BMPR1B: variants seen among roughly 807,000 people sequenced by gnomAD.
The protein encoded by BMPR1B is bone morphogenetic protein receptor type 1B.
Under a neutral mutation model 59.1 loss-of-function variants are expected in BMPR1B, and 12 were observed. That is an observed-to-expected ratio of 0.20 (90% CI 0.13 to 0.33). The LOEUF (loss-of-function observed/expected upper bound fraction) is 0.33, where lower values mean the gene tolerates loss of function less well. Ranked by LOEUF, BMPR1B falls within the 10% of genes least tolerant of loss-of-function variation. BMPR1B has a pLI of 1.00. For missense variants in BMPR1B, 550 were observed against 610.9 expected, an observed-to-expected ratio of 0.90 and a Z score of 1.05; for synonymous variants, 237 against 207.3, an observed-to-expected ratio of 1.14 and a Z score of -1.23.
At chr4:94,943,701 G>A (rs765846271) in intron 2 of BMPR1B, among the ~76,000 whole-genome samples, 13 of 152,118 alleles carry the variant, frequency 8.5e-5, no homozygotes, top group African/African-American at 2.2e-4. Context: ...CATGCTCTTC[G>A]TGTTAAAGAA....
At position 95,124,966 on chromosome 4, in the gene BMPR1B, C is replaced by T. The variant is rs747297973; in HGVS notation, c.447-17C>T. 1 of 1,605,798 alleles carries T rather than the reference C, an allele frequency of 6.2e-7. No individual in the cohort carries two copies. The highest frequency in any genetic ancestry group is 2.2e-5 in the East Asian group (1 of 44,808). On this transcript the variant is annotated splice_polypyrimidine_tract_variant and intron_variant, in intron 7 of 12. Coordinates refer to ENST00000515059, the MANE Select transcript of BMPR1B (RefSeq NM_001203.3). ...GCATTTCATTATCTAAAATTATCTT[C>T]ATCTATCCATCTTTAGGTATAAAAG...
chr4:95,051,185 C>T (rs1463857466), intron 3 of BMPR1B, among the ~76,000 whole-genome samples: 1 of 152,196 alleles, frequency 6.6e-6, no homozygotes, highest in Non-Finnish European at 1.5e-5. Flanking sequence ...ATACTTTGAT[C>T]TGTTGCACTA....
chr4:95,140,028 A>G (rs903313631), intron 10 of BMPR1B, among the ~76,000 whole-genome samples: 3 of 152,150 alleles, frequency 2.0e-5, no homozygotes, highest in African/African-American at 7.2e-5. Flanking sequence ...GGTGGGAGCT[A>G]TAGACTGGAG....
At chr4:94,946,520 G>A (rs1729714780) in intron 2 of BMPR1B, among the ~76,000 whole-genome samples, 1 of 152,094 alleles carries the variant, frequency 6.6e-6, no homozygotes, top group African/African-American at 2.4e-5. Flanking sequence ...GAAGGCACAG[G>A]ATCAGATTTG....
chr4:94,973,472 C>T (rs1336224013), intron 2 of BMPR1B, among the ~76,000 whole-genome samples: 1 of 152,202 alleles, frequency 6.6e-6, no homozygotes, highest in Non-Finnish European at 1.5e-5. Context: ...TGACCATCTC[C>T]TGCCAGATTT....
intron 2 of BMPR1B, among the ~76,000 whole-genome samples, chr4:94,890,770 T>C (rs1198016477): frequency 6.6e-6 from 1 of 152,018 alleles, no homozygotes; most frequent in Non-Finnish European, 1.5e-5. Flanking sequence ...TGGTGGCTCT[T>C]CTTGTAAGGG....
At chr4:95,133,827 C>T (rs1733559894) in intron 10 of BMPR1B, among the ~76,000 whole-genome samples, 1 of 151,932 alleles carries the variant, frequency 6.6e-6, no homozygotes, top group South Asian at 2.1e-4. Flanking sequence ...GCATCAGCCT[C>T]CCAAAACGCT....
chr4:95,002,305 C>T (rs948176751), intron 3 of BMPR1B, among the ~76,000 whole-genome samples: 17 of 152,110 alleles, frequency 1.1e-4, no homozygotes, highest in African/African-American at 2.4e-4. Flanking sequence ...TTGCTGCAAA[C>T]GATGATTTCA....
intron 2 of BMPR1B, among the ~76,000 whole-genome samples, chr4:94,903,736 C>T (rs1394806118): frequency 2.0e-5 from 3 of 151,682 alleles, no homozygotes; most frequent in Non-Finnish European, 4.4e-5. Context: ...GGCCTTAATC[C>T]GGTATGACTG....
chr4:95,004,112 A>T (rs1213899965), intron 3 of BMPR1B, among the ~76,000 whole-genome samples: 1 of 152,170 alleles, frequency 6.6e-6, no homozygotes, highest in African/African-American at 2.4e-5. Context: ...CACTTCATAA[A>T]CATAGTTTGT....
intron 2 of BMPR1B, among the ~76,000 whole-genome samples, chr4:94,912,634 G>A (rs1326951182): frequency 6.6e-6 from 1 of 152,140 alleles, no homozygotes; most frequent in Admixed American, 6.5e-5. Context: ...CCGAACAACA[G>A]TTCAGCTCTA....
At chr4:94,860,423 A>G (rs1725932669) in intron 1 of BMPR1B, among the ~76,000 whole-genome samples, 1 of 152,158 alleles carries the variant, frequency 6.6e-6, no homozygotes, top group Admixed American at 6.6e-5. Flanking sequence ...TCTTGATGAT[A>G]AGGATTGCTT....
chr4:94,953,123 C>T (rs1163729192), intron 2 of BMPR1B, among the ~76,000 whole-genome samples: 1 of 152,084 alleles, frequency 6.6e-6, no homozygotes, highest in Non-Finnish European at 1.5e-5. Flanking sequence ...GTAGATCTTC[C>T]TCCATCCCTT....
chr4:95,075,597 G>A (rs562507797), intron 3 of BMPR1B, among the ~76,000 whole-genome samples: 1 of 152,254 alleles, frequency 6.6e-6, no homozygotes, highest in East Asian at 1.9e-4. Context: ...GAAAGACTTT[G>A]TAGAACACAG....
At chr4:95,152,290 C>T (rs1339227336) in intron 11 of BMPR1B, among the ~76,000 whole-genome samples, 1 of 152,042 alleles carries the variant, frequency 6.6e-6, no homozygotes, top group Non-Finnish European at 1.5e-5. Flanking sequence ...AGTATGAGTT[C>T]AGGATATGTC....
At chr4:94,813,269 C>G (rs1723890000) in intron 1 of BMPR1B, among the ~76,000 whole-genome samples, 1 of 151,974 alleles carries the variant, frequency 6.6e-6, no homozygotes, top group Non-Finnish European at 1.5e-5. Context: ...GGGTGAAAGA[C>G]ATGTGACACT....
At chr4:95,068,408 C>T (rs545112321) in intron 3 of BMPR1B, among the ~76,000 whole-genome samples, 191 of 152,260 alleles carry the variant, frequency 1.3e-3, no homozygotes, top group African/African-American at 4.2e-3. Flanking sequence ...TTGACCTACC[C>T]GTGACTGCTG....
chr4:95,082,294 G>A (rs1451894349), intron 3 of BMPR1B, among the ~76,000 whole-genome samples: 1 of 151,526 alleles, frequency 6.6e-6, no homozygotes, highest in East Asian at 1.9e-4. Flanking sequence ...TTTTAACAAC[G>A]TAAAAGGGTC....
chr4:94,868,257 C>G (rs1726329274), intron 1 of BMPR1B, among the ~76,000 whole-genome samples: 1 of 151,874 alleles, frequency 6.6e-6, no homozygotes, highest in South Asian at 2.1e-4. Context: ...CTACCTCTGC[C>G]TCCCAGGCTC....
Sources: allele counts gnomAD v4.1 joint callset (sites outside exome capture counted in the v4.1 genomes callset), GRCh38; gene constraint gnomAD v4.1.1; transcripts MANE v1.5; gene names NCBI Gene and HGNC (gene_info 2026-07-23, HGNC 2026-07-21).